The following CSMD1 variants were observed in gnomAD, a reference collection of about 807,000 sequenced individuals.
CSMD1 encodes CUB and Sushi multiple domains 1.
A neutral mutation model predicts 417.5 loss-of-function variants in CSMD1; 213 were observed. The ratio of observed to expected loss-of-function variants is 0.51; its 90% CI spans 0.46 to 0.57. The LOEUF (loss-of-function observed/expected upper bound fraction) is 0.57. CSMD1 is among the 20% of genes least tolerant of loss of function. CSMD1 has a pLI of 0.00. For synonymous variants in CSMD1, 2,862 were observed against 1,736.8 expected, an observed-to-expected ratio of 1.65 and a Z score of -16.11; for missense variants, 6,923 against 4,529.7, an observed-to-expected ratio of 1.53 and a Z score of -15.17.
In CSMD1 at chr8:2,963,388, C is replaced by G. The variant is rs766912900; in HGVS notation, c.9288G>C (p.Leu3096=). Residue 3096 remains leucine (L), a synonymous_variant, in exon 60 of 70, where the codon CTG becomes CTC. Coordinates refer to ENST00000635120, the MANE Select transcript of CSMD1 (RefSeq NM_033225.6). ...NPSKPVCKAV[L]CPQPPPVQNG... ...TCTGCACCGGCGGCGGCTGAGGACA[C>G]AGCACGGCTATTTCCAAAGAACAAA... 5.6e-6 allele frequency: 9 copies of G among 1,613,812 alleles called. No homozygotes were observed. Among genetic ancestry groups the G allele is most frequent in the Non-Finnish European group, 7.6e-6 (9 of 1,179,720 alleles).
chr8:4,136,977 C>A (rs1803480743), intron 3 of CSMD1, among the ~76,000 whole-genome samples: 1 of 152,294 alleles, frequency 6.6e-6, no homozygotes. Context: ...ATCAATGAAA[C>A]AAATAAATGT....
rs371155498 is a variant in CSMD1 at position 4,037,811 on chromosome 8, T to C, written c.416-5712A>G. On this transcript the variant is annotated intron_variant, in intron 3 of 69. Transcript: ENST00000635120. Reference sequence around the variant, plus strand: ...AACCATTCCAGGTTGGAATTGAATCTTTTTATGTTTGTATATAAATATTAA... The same window carrying C: ...AACCATTCCAGGTTGGAATTGAATCCTTTTATGTTTGTATATAAATATTAA... 1.8e-3 allele frequency among the ~76,000 whole-genome samples: 279 copies of C among 152,170 alleles called. 1 individual carries two copies. The highest frequency in any genetic ancestry group is 6.5e-3 in the African/African-American group (269 of 41,550).
At chr8:3,640,288 C>T (rs760009508) in intron 7 of CSMD1, among the ~76,000 whole-genome samples, 3 of 152,158 alleles carry the variant, frequency 2.0e-5, no homozygotes. Flanking sequence ...TGTTTTGGAA[C>T]ATTTAGTCTC....
At position 3,118,380 on chromosome 8, in the gene CSMD1, T is replaced by A. The variant is rs759684659; in HGVS notation, c.6430+19A>T. ...CCCATGAAACATTAAATCGCCCCCA[T>A]GCAAAGTGATGAACTTACCATCACA... On this transcript the variant is annotated intron_variant, in intron 42 of 69. Coordinates refer to ENST00000635120, the MANE Select transcript of CSMD1 (RefSeq NM_033225.6). 1 of 1,584,068 alleles carries A rather than the reference T, an allele frequency of 6.3e-7. No homozygotes were observed. Among genetic ancestry groups the A allele is most frequent in the Non-Finnish European group, 8.6e-7 (1 of 1,157,304 alleles).
intron 23 of CSMD1, among the ~76,000 whole-genome samples, chr8:3,335,332 A>C (rs1324044671): frequency 6.6e-6 from 1 of 152,168 alleles, no homozygotes; most frequent in East Asian, 1.9e-4. Flanking sequence ...TCCATCACAC[A>C]CAGCCAGTGG....
At chr8:4,686,300 A>G (rs1428962042) in intron 1 of CSMD1, among the ~76,000 whole-genome samples, 1 of 152,220 alleles carries the variant, frequency 6.6e-6, no homozygotes, top group African/African-American at 2.4e-5. Flanking sequence ...TAAAACGAAC[A>G]TATATGCAAT....
chr8:3,670,044 G>A (rs541736065), intron 7 of CSMD1, among the ~76,000 whole-genome samples: 7 of 152,200 alleles, frequency 4.6e-5, no homozygotes, highest in African/African-American at 9.6e-5. Context: ...TGTTCCTAGG[G>A]TCTCACAATT....
chr8:3,946,046 A>T (rs1326679535), intron 5 of CSMD1, among the ~76,000 whole-genome samples: 1 of 152,118 alleles, frequency 6.6e-6, no homozygotes, highest in Non-Finnish European at 1.5e-5. Context: ...CGCTACTTTT[A>T]CCTTTCTTTC....
chr8:4,010,666 C>G (rs938498313), intron 4 of CSMD1, among the ~76,000 whole-genome samples: 2 of 152,122 alleles, frequency 1.3e-5, no homozygotes, highest in East Asian at 1.9e-4. Flanking sequence ...CTCATGGGAC[C>G]TAGAGTTCCC....
chr8:2,998,660 T>C (rs999955812), intron 53 of CSMD1, among the ~76,000 whole-genome samples: 11 of 152,206 alleles, frequency 7.2e-5, no homozygotes, highest in Admixed American at 2.0e-4. Flanking sequence ...AATTTACACA[T>C]CATGAAATTA....
chr8:4,237,262 T>G (rs1802123143), intron 3 of CSMD1, among the ~76,000 whole-genome samples: 1 of 152,164 alleles, frequency 6.6e-6, no homozygotes, highest in Admixed American at 6.6e-5. Flanking sequence ...CCTGAAGAGA[T>G]TCAGAGTGAG....
chr8:4,967,056 GA>G (rs1809916260), intron 1 of CSMD1, among the ~76,000 whole-genome samples: 2 of 152,156 alleles, frequency 1.3e-5, no homozygotes, highest in African/African-American at 4.8e-5. Flanking sequence ...TCCAGTGGGT[GA>G]AGGCTAATTC....
chr8:4,027,734 A>C (rs1279812429), intron 4 of CSMD1, among the ~76,000 whole-genome samples: 2 of 152,222 alleles, frequency 1.3e-5, no homozygotes, highest in Non-Finnish European at 2.9e-5. Context: ...ACAAACTTGA[A>C]GCCAGTCTGT....
rs375544381 is a variant in CSMD1, at chr8:4,106,739, C to T, written c.416-74640G>A. The stretch of plus-strand genomic sequence containing the variant: ...GTTTTATACACACAGCTCTTAAGTT[C>T]AACAACAGACCCCGCACAGCTAGTG... On this transcript the variant is annotated intron_variant, in intron 3 of 69. Transcript: ENST00000635120. Among the ~76,000 whole-genome samples the T allele has an allele frequency of 1.7e-3, 264 of 152,212 alleles. 13 individuals are homozygous for T. In the South Asian group the frequency reaches 0.052, roughly 30 times the overall value.
rs151224034 is a variant in CSMD1 at position 4,298,088 on chromosome 8, A to C, written c.415+121865T>G. 5.3e-4 allele frequency among the ~76,000 whole-genome samples: 81 copies of C among 152,248 alleles called. 2 individuals carry two copies. The East Asian group carries it at 0.013, about 24-fold the overall frequency. ...GCTAGCGTCTCTCTGGTGAAAACCC[A>C]GGGTATAAAGGACCTGGAGAACATC... On this transcript the variant is annotated intron_variant, in intron 3 of 69. Transcript: ENST00000635120.
intron 3 of CSMD1, among the ~76,000 whole-genome samples, chr8:4,244,300 C>T (rs1046194253): frequency 2.6e-5 from 4 of 152,142 alleles, no homozygotes; most frequent in Non-Finnish European, 4.4e-5. Flanking sequence ...AAACACTATG[C>T]AGTCTTGTCT....
At chr8:4,760,455 T>G (rs984554805) in intron 1 of CSMD1, among the ~76,000 whole-genome samples, 1 of 152,200 alleles carries the variant, frequency 6.6e-6, no homozygotes, top group Non-Finnish European at 1.5e-5. Context: ...CCTAAATGCC[T>G]AATATGCTAC....
chr8:3,212,846 T>TGA (rs56090332), intron 30 of CSMD1, among the ~76,000 whole-genome samples: 24 of 150,530 alleles, frequency 1.6e-4, no homozygotes, highest in African/African-American at 4.6e-4. Context: ...TTTTTTTTTT[T>TGA]GAGAGAGAGT....
chr8:4,835,704 G>C (rs1057437675), intron 1 of CSMD1, among the ~76,000 whole-genome samples: 1 of 152,024 alleles, frequency 6.6e-6, no homozygotes, highest in African/African-American at 2.4e-5. Flanking sequence ...ATTGTGGTCA[G>C]TATATTTTAG....
Sources: gnomAD v4.1 joint callset for allele counts (sites outside exome capture counted in the v4.1 genomes callset) on GRCh38, gnomAD v4.1.1 for gene constraint, MANE v1.5 for transcripts, NCBI Gene and HGNC (gene_info 2026-07-23, HGNC 2026-07-21) for gene names.